The following DKK2 variants were observed in gnomAD, a reference collection of about 807,000 sequenced individuals.
DKK2 encodes the protein dickkopf Wnt signaling pathway inhibitor 2.
DKK2 carries 11 observed loss-of-function variants against 28.1 expected under a neutral mutation model. The observed-to-expected ratio is 0.39, with a 90% CI of 0.25 to 0.65. The LOEUF (loss-of-function observed/expected upper bound fraction) is 0.65, where lower values mean the gene tolerates loss of function less well. Among genes scored for constraint, DKK2 ranks in the 30% least tolerant of loss-of-function variants. DKK2 has a pLI of 0.47. For missense variants in DKK2, 326 were observed against 335.5 expected (o/e 0.97, Z 0.22); for synonymous variants, 135 against 126.5 (o/e 1.07, Z -0.45).
In DKK2 at chr4:107,035,732, G is replaced by A; in HGVS notation, c.-141C>T. 1 of 781,748 alleles carries A rather than the reference G, an allele frequency of 1.3e-6. No homozygotes were observed. The highest frequency in any genetic ancestry group is 2.0e-6 in the Non-Finnish European group (1 of 491,888). The allele number at this position is 781,748 out of a possible 1,614,324, so 48.4% of individuals were successfully genotyped here. A position where few individuals can be genotyped will look rare whatever the true frequency, so the allele number is the denominator to read the frequency against. On this transcript the variant is annotated 5_prime_UTR_variant, in exon 1 of 4. Transcript: ENST00000285311. The stretch of plus-strand genomic sequence containing the variant: ...TTCCCTCAACCCTTCCTGGTTCGGG[G>A]ACCCAGGACCCTATGAACTCAGTCT...
At chr4:106,930,387 C>A (rs545758772) in intron 1 of DKK2, among the ~76,000 whole-genome samples, 1 of 152,102 alleles carries the variant, frequency 6.6e-6, no homozygotes, top group Non-Finnish European at 1.5e-5. Context: ...ACTTGCCTAT[C>A]CCTTTGAACA....
At chr4:106,985,501 A>G (rs1283832862) in intron 1 of DKK2, among the ~76,000 whole-genome samples, 2 of 152,040 alleles carry the variant, frequency 1.3e-5, no homozygotes, top group Non-Finnish European at 2.9e-5. Flanking sequence ...TATCTGAAAA[A>G]AAAGTTTAAC....
chr4:106,978,932 G>A (rs1722986262), intron 1 of DKK2, among the ~76,000 whole-genome samples: 1 of 152,162 alleles, frequency 6.6e-6, no homozygotes, highest in Admixed American at 6.5e-5. Context: ...TGCGAAGACT[G>A]TGGGAAAAGC....
chr4:106,923,777 A>T lies in DKK2; in HGVS notation c.*177T>A. The stretch of plus-strand genomic sequence containing the variant: ...AAACACTGGCTGCACTGCATTTGTC[A>T]CCCATTCTAATCTATTCAGTTCATG... On this transcript the variant is annotated 3_prime_UTR_variant, in exon 4 of 4. Coordinates refer to ENST00000285311, the MANE Select transcript of DKK2 (RefSeq NM_014421.3). The T allele has an allele frequency of 1.2e-6, 1 of 821,724 alleles. No individual in the cohort carries two copies. The highest frequency in any genetic ancestry group is 1.8e-6 in the Non-Finnish European group (1 of 541,808). The allele number at this position is 821,724 out of a possible 1,614,324, so 50.9% of individuals were successfully genotyped here. A position where few individuals can be genotyped will look rare whatever the true frequency, so the allele number is the denominator to read the frequency against.
chr4:106,973,910 G>C (rs959993481), intron 1 of DKK2, among the ~76,000 whole-genome samples: 2 of 152,142 alleles, frequency 1.3e-5, no homozygotes, highest in Non-Finnish European at 2.9e-5. Flanking sequence ...GTTAATTTTT[G>C]TATAAGGTGT....
At chr4:106,939,621 A>T (rs541439614) in intron 1 of DKK2, among the ~76,000 whole-genome samples, 1 of 152,344 alleles carries the variant, frequency 6.6e-6, no homozygotes, top group South Asian at 2.1e-4. Flanking sequence ...TCAAGTTCGT[A>T]TGGAACCAAA....
chr4:107,030,313 A>C (rs1374565515), intron 1 of DKK2, among the ~76,000 whole-genome samples: 1 of 152,054 alleles, frequency 6.6e-6, no homozygotes, highest in East Asian at 1.9e-4. Flanking sequence ...GGAACAGAAA[A>C]TTGACCTTTG....
intron 1 of DKK2, among the ~76,000 whole-genome samples, chr4:107,003,873 G>A (rs899070713): frequency 6.6e-6 from 1 of 152,144 alleles, no homozygotes; most frequent in African/African-American, 2.4e-5. Context: ...GCACTTTTGA[G>A]AAGCAGAGCT....
intron 1 of DKK2, among the ~76,000 whole-genome samples, chr4:106,981,518 C>A (rs994343905): frequency 1.3e-5 from 2 of 152,134 alleles, no homozygotes; most frequent in Admixed American, 6.5e-5. Context: ...TGCTTGTTCC[C>A]TTCATATTTG....
chr4:107,031,219 T>C (rs1371373634), intron 1 of DKK2, among the ~76,000 whole-genome samples: 3 of 152,084 alleles, frequency 2.0e-5, no homozygotes, highest in African/African-American at 7.2e-5. Flanking sequence ...TTCCTGATTG[T>C]GTTTAGTGTT....
rs1724351632 is a variant in DKK2 at position 106,922,087 on chromosome 4, T to C, written c.*1867A>G. 1 of 152,620 alleles carries C rather than the reference T, an allele frequency of 6.6e-6. No homozygotes were observed. The highest frequency in any genetic ancestry group is 1.5e-5 in the Non-Finnish European group (1 of 68,030). The allele number at this position is 152,620 out of a possible 1,614,324, so 9.5% of individuals were successfully genotyped here. A position where few individuals can be genotyped will look rare whatever the true frequency, so the allele number is the denominator to read the frequency against. On this transcript the variant is annotated 3_prime_UTR_variant, in exon 4 of 4. Transcript: ENST00000285311. Reference sequence around the variant, plus strand: ...TGTTCCATTTTCATTTCACCAAGCTTATAGCAACCTGTTTATACAAACTTT... The same window carrying C: ...TGTTCCATTTTCATTTCACCAAGCTCATAGCAACCTGTTTATACAAACTTT...
chr4:107,024,266 A>C (rs1358832880), intron 1 of DKK2, among the ~76,000 whole-genome samples: 1 of 152,138 alleles, frequency 6.6e-6, no homozygotes, highest in Non-Finnish European at 1.5e-5. Flanking sequence ...AGCACATCCC[A>C]GGCATGACAG....
chr4:107,013,832 A>C (rs78829629), intron 1 of DKK2, among the ~76,000 whole-genome samples: 276 of 151,672 alleles, frequency 1.8e-3, no homozygotes, highest in Non-Finnish European at 3.4e-3. Context: ...AGGAACTCAA[A>C]CCACTCCCTA....
chr4:106,979,784 G>C (rs538701926), intron 1 of DKK2, among the ~76,000 whole-genome samples: 1 of 152,296 alleles, frequency 6.6e-6, no homozygotes, highest in South Asian at 2.1e-4. Context: ...ACTCAAACTC[G>C]CTGCACTCAG....
intron 1 of DKK2, among the ~76,000 whole-genome samples, chr4:106,947,525 A>G (rs974193328): frequency 1.3e-5 from 2 of 152,130 alleles, no homozygotes; most frequent in African/African-American, 4.8e-5. Flanking sequence ...AGGTAAGAAT[A>G]GTTACTCTTG....
chr4:106,995,572 T>C (rs116295857), intron 1 of DKK2, among the ~76,000 whole-genome samples: 1,982 of 152,266 alleles, frequency 0.013, 52 homozygotes, highest in African/African-American at 0.046. Context: ...AATTTTCATA[T>C]GCAGAATGAG....
At chr4:107,016,557 A>AT (rs1385463723) in intron 1 of DKK2, among the ~76,000 whole-genome samples, 1 of 151,960 alleles carries the variant, frequency 6.6e-6, no homozygotes, top group Non-Finnish European at 1.5e-5. Context: ...TTCCTAAATT[A>AT]TTTTTTGGTG....
intron 1 of DKK2, among the ~76,000 whole-genome samples, chr4:106,932,472 A>G (rs1249937386): frequency 6.6e-6 from 1 of 152,186 alleles, no homozygotes; most frequent in Non-Finnish European, 1.5e-5. Flanking sequence ...AGCATGTACA[A>G]TACTGATATT....
At chr4:107,010,088 GT>G (rs1181147735) in intron 1 of DKK2, among the ~76,000 whole-genome samples, 1 of 151,686 alleles carries the variant, frequency 6.6e-6, no homozygotes, top group Non-Finnish European at 1.5e-5. Context: ...AAAATTGTGG[GT>G]TTTTTCCTTT....
Sources: gnomAD v4.1 joint callset for allele counts (sites outside exome capture counted in the v4.1 genomes callset) on GRCh38, gnomAD v4.1.1 for gene constraint, MANE v1.5 for transcripts, NCBI Gene and HGNC (gene_info 2026-07-23, HGNC 2026-07-21) for gene names.